The following ERO1B variants were observed in gnomAD, a reference collection of about 807,000 sequenced individuals.
The protein encoded by ERO1B is endoplasmic reticulum oxidoreductase 1 beta.
Under a neutral mutation model 75.3 loss-of-function variants are expected in ERO1B, and 49 were observed. The ratio of observed to expected loss-of-function variants is 0.65; its 90% confidence interval spans 0.52 to 0.83. ERO1B has a LOEUF of 0.83. ERO1B is among the 40% of genes least tolerant of loss of function. The pLI, the probability that ERO1B is intolerant of heterozygous loss-of-function variation, is 0.00. For missense variants in ERO1B, 512 were observed against 560.1 expected (o/e 0.91, Z 0.87); for synonymous variants, 191 against 192.9 (o/e 0.99, Z 0.08).
At chr1:236,256,803 A>C (rs1333504032) in intron 2 of ERO1B, among the ~76,000 whole-genome samples, 2 of 151,746 alleles carry the variant, frequency 1.3e-5, no homozygotes, top group Non-Finnish European at 1.5e-5. Flanking sequence ...CTGCTAAATC[A>C]CCTAGCTCTG....
intron 2 of ERO1B, among the ~76,000 whole-genome samples, chr1:236,264,593 TA>T (rs1665376578): frequency 6.6e-6 from 1 of 151,954 alleles, no homozygotes; most frequent in African/African-American, 2.4e-5. Flanking sequence ...CATATCATCC[TA>T]GCACTTTGAG....
chr1:236,266,249 C>A lies in ERO1B; in HGVS notation c.222+3626G>T, dbSNP rs570471048. On this transcript the variant is annotated intron_variant, in intron 2 of 15. Transcript: ENST00000354619. ...GCTACAGCAGCCAACTGCCCAACTG[C>A]ATAAAGGCAGACTGTTACCTCCACC... Among the ~76,000 whole-genome samples the A allele has an allele frequency of 5.3e-5, 8 of 152,352 alleles. No homozygotes were observed. The South Asian group carries it at 1.7e-3, about 32-fold the overall frequency.
intron 1 of ERO1B, among the ~76,000 whole-genome samples, chr1:236,280,364 A>C (rs1665805791): frequency 6.6e-6 from 1 of 152,224 alleles, no homozygotes; most frequent in Non-Finnish European, 1.5e-5. Context: ...TTACTTTAGT[A>C]AGTCTGCCCA....
intron 8 of ERO1B, among the ~76,000 whole-genome samples, chr1:236,234,079 A>G (rs539707581): frequency 6.6e-6 from 1 of 152,384 alleles, no homozygotes; most frequent in Admixed American, 6.5e-5. Flanking sequence ...TTAAAGAACT[A>G]TTAATCAACC....
intron 2 of ERO1B, among the ~76,000 whole-genome samples, chr1:236,258,337 A>G (rs1345948451): frequency 6.6e-6 from 1 of 152,104 alleles, no homozygotes; most frequent in East Asian, 1.9e-4. Context: ...AATTATAGGC[A>G]AAATTTTCAA....
intron 11 of ERO1B, 58 bp from the exon 12 acceptor site, chr1:236,226,573 C>G: frequency 4.4e-6 from 7 of 1,594,182 alleles, no homozygotes; most frequent in Non-Finnish European, 6.0e-6. Flanking sequence ...TTTTTCTGCT[C>G]TAAAGAATAT....
intron 5 of ERO1B, among the ~76,000 whole-genome samples, chr1:236,245,351 T>C (rs12032604): frequency 0.024 from 1,271 of 52,910 alleles, 116 homozygotes; most frequent in African/African-American, 0.098. Flanking sequence ...CGTATATATA[T>C]ACACACGTAT....
chr1:236,244,379 C>T, intron 5 of ERO1B, among the ~76,000 whole-genome samples: 1 of 152,152 alleles, frequency 6.6e-6, no homozygotes, highest in East Asian at 1.9e-4. Context: ...TTTATCAATA[C>T]ATTTTTCCAG....
Position 236,220,905 on chromosome 1 carries a change from G to A in ERO1B, c.1270C>T (p.Pro424Ser), listed in dbSNP as rs1481432959. ...LFSEKEIQKL[P>S]ENSPSKGFQL... ...AAGCCTTTAGATGGACTATTCTCTG[G>A]AAGCTTTTGGATTTCTTTTTCAGAG... The change falls in exon 15 of 16, where the codon CCA becomes TCA. Residue 424 changes from proline (P) to serine (S), a missense_variant. Coordinates refer to ENST00000354619, the MANE Select transcript of ERO1B (RefSeq NM_019891.4). The A allele has an allele frequency of 2.5e-6, 4 of 1,604,234 alleles. No individual in the cohort carries two copies. The highest frequency in any genetic ancestry group is 3.4e-6 in the Non-Finnish European group (4 of 1,175,668).
At position 236,251,957 on chromosome 1, in the gene ERO1B, A is replaced by G; in HGVS notation, c.348+93T>C. On this transcript the variant is annotated intron_variant, in intron 4 of 15. Transcript: ENST00000354619. ...AAAATGTCTCCATTCCCAACTAACCATAATATGGTTCTTTACTACAGCCAC... is the reference window on the plus strand; with the variant it reads ...AAAATGTCTCCATTCCCAACTAACCGTAATATGGTTCTTTACTACAGCCAC... The G allele has an allele frequency of 8.6e-6, 8 of 934,458 alleles. No homozygotes were observed. In the South Asian group the frequency reaches 1.1e-4, roughly 12 times the overall value. The allele number at this position is 934,458 out of a possible 1,614,324, so 57.9% of individuals were successfully genotyped here. A position where few individuals can be genotyped will look rare whatever the true frequency, so the allele number is the denominator to read the frequency against.
chr1:236,268,654 A>T (rs929254787), intron 2 of ERO1B, among the ~76,000 whole-genome samples: 1 of 152,076 alleles, frequency 6.6e-6, no homozygotes, highest in African/African-American at 2.4e-5. Flanking sequence ...TGGGAGGCCA[A>T]GGCGGGCGGA....
At chr1:236,230,305 A>G in intron 9 of ERO1B, 55 bp from the exon 10 acceptor site, 1 of 1,430,684 alleles carries the variant, frequency 7.0e-7, no homozygotes, top group Non-Finnish European at 9.8e-7. Flanking sequence ...ATAAAGTAGA[A>G]TAAATTAGGT....
At chr1:236,275,103 T>C (rs1453104600) in intron 1 of ERO1B, among the ~76,000 whole-genome samples, 4 of 152,192 alleles carry the variant, frequency 2.6e-5, no homozygotes, top group Non-Finnish European at 5.9e-5. Context: ...CACTATAAGA[T>C]TTTAGCTTTT....
intron 8 of ERO1B, among the ~76,000 whole-genome samples, chr1:236,233,547 G>A (rs1470241448): frequency 4.0e-5 from 6 of 148,620 alleles, no homozygotes; most frequent in Non-Finnish European, 7.4e-5. Flanking sequence ...GCAGTGAGCC[G>A]AGATCACACC....
intron 13 of ERO1B, among the ~76,000 whole-genome samples, chr1:236,222,356 G>A (rs927838262): frequency 3.6e-4 from 55 of 152,180 alleles, no homozygotes; most frequent in African/African-American, 1.3e-3. Flanking sequence ...CAAATGATCT[G>A]CCCACCTCGA....
At chr1:236,262,886 A>G (rs1665324573) in intron 2 of ERO1B, among the ~76,000 whole-genome samples, 1 of 152,166 alleles carries the variant, frequency 6.6e-6, no homozygotes, top group African/African-American at 2.4e-5. Context: ...GGGTGAAAAG[A>G]ACCACCTTAC....
rs779396715 is a variant in ERO1B, at chr1:236,232,855, A to G, written c.674-16T>C. On this transcript the variant is annotated splice_polypyrimidine_tract_variant and intron_variant, in intron 8 of 15. Transcript: ENST00000354619. Reference sequence around the variant, plus strand: ...TCATCTTCGCCTAAAAGAGAAAATAATAGAAAAGATTTTAGAAAATGTCTT... The same window carrying G: ...TCATCTTCGCCTAAAAGAGAAAATAGTAGAAAAGATTTTAGAAAATGTCTT... The G allele has an allele frequency of 2.5e-6, 4 of 1,591,666 alleles. No homozygotes were observed. Among genetic ancestry groups the G allele is most frequent in the South Asian group, 2.3e-5 (2 of 86,430 alleles).
At position 236,216,079 on chromosome 1, in the gene ERO1B, AAT is replaced by A. The variant is rs1663967215; in HGVS notation, c.*2435_*2436del. The A allele has an allele frequency of 6.6e-6, 1 of 152,190 alleles. No individual in the cohort carries two copies. Among genetic ancestry groups the A allele is most frequent in the African/African-American group, 2.4e-5 (1 of 41,454 alleles). 9.4% of individuals were successfully genotyped at this position (152,190 alleles called of 1,614,324 possible). A position where few individuals can be genotyped will look rare whatever the true frequency, so the allele number is the denominator to read the frequency against. ...GAAACATTCAAAGTTTACCAATTTT[AAT>A]ATATAGTTTGTCTAACTTACATAGA... On this transcript the variant is annotated 3_prime_UTR_variant, in exon 16 of 16. Transcript: ENST00000354619.
intron 1 of ERO1B, among the ~76,000 whole-genome samples, chr1:236,273,810 GAAA>G (rs71176476): frequency 3.9e-5 from 4 of 102,728 alleles, no homozygotes; most frequent in African/African-American, 6.9e-5. Context: ...TGTCTCAAAA[GAAA>G]AAAAAAAAAA....
Sources: gnomAD v4.1 joint callset for allele counts (sites outside exome capture counted in the v4.1 genomes callset) on GRCh38, gnomAD v4.1.1 for gene constraint, MANE v1.5 for transcripts, NCBI Gene and HGNC (gene_info 2026-07-23, HGNC 2026-07-21) for gene names.